ADCY1: variants seen among roughly 807,000 people sequenced by gnomAD.
The protein encoded by ADCY1 is adenylate cyclase 1.
ADCY1 carries 28 observed loss-of-function variants against 105.4 expected under a neutral mutation model. That is an observed-to-expected ratio of 0.27 (90% confidence interval 0.20 to 0.36). ADCY1 has a LOEUF of 0.36. Among genes scored for constraint, ADCY1 ranks in the 10% least tolerant of loss-of-function variants. The pLI, the probability that ADCY1 is intolerant of heterozygous loss-of-function variation, is 1.00. For synonymous variants in ADCY1, 655 were observed against 623.8 expected, an observed-to-expected ratio of 1.05 and a Z score of -0.75; for missense variants, 977 against 1,434.2, an observed-to-expected ratio of 0.68 and a Z score of 5.15.
intron 5 of ADCY1, among the ~76,000 whole-genome samples, chr7:45,649,308 T>C (rs1250359361): frequency 1.3e-5 from 2 of 152,200 alleles, no homozygotes; most frequent in Non-Finnish European, 2.9e-5. Context: ...GCCCATTTCT[T>C]GGTCAGTCTT....
chr7:45,588,003 CT>C (rs976776198), intron 1 of ADCY1, among the ~76,000 whole-genome samples: 3 of 152,200 alleles, frequency 2.0e-5, no homozygotes, highest in African/African-American at 7.2e-5. Context: ...AGTTTACCTT[CT>C]TGAAGGCGGA....
rs184544142 is a variant in ADCY1 at position 45,659,892 on chromosome 7, C to T, written c.1308-150C>T. ...CCTGGGCCCTCCCTCCTGGCATGGA[C>T]GGACTTGCATGGGAGCATGAATACT... On this transcript the variant is annotated intron_variant, in intron 6 of 19. Transcript: ENST00000297323. The T allele has an allele frequency of 1.1e-4, 108 of 965,658 alleles. 1 individual carries two copies. In the East Asian group the frequency reaches 1.8e-3, roughly 16 times the overall value. The allele number at this position is 965,658 out of a possible 1,614,324, so 59.8% of individuals were successfully genotyped here.
At position 45,710,717 on chromosome 7, in the gene ADCY1, AG is replaced by A; in HGVS notation, c.3057+70del. On this transcript the variant is annotated intron_variant, in intron 19 of 19. Transcript: ENST00000297323. This position sits in a 1 kb window ranked among gnomAD's most constrained non-coding sequence, Gnocchi z 4.7. ...TCTTCAGGTGAGGAAACTGAGGCAC[AG>A]GGGGCCAGAATTGAATCCCCAGTCT... 5 of 1,538,732 alleles carry A rather than the reference AG, an allele frequency of 3.2e-6. No homozygotes were observed.
At chr7:45,675,380 A>G (rs1474421479) in intron 8 of ADCY1, among the ~76,000 whole-genome samples, 2 of 152,170 alleles carry the variant, frequency 1.3e-5, no homozygotes, top group African/African-American at 4.8e-5. Context: ...ACAAATTTAT[A>G]ATCTTTGGTT....
chr7:45,646,376 C>T (rs1231055471), intron 4 of ADCY1, among the ~76,000 whole-genome samples: 4 of 152,224 alleles, frequency 2.6e-5, no homozygotes, highest in Non-Finnish European at 5.9e-5. Context: ...GCACTGGAAC[C>T]AGGCAGCAAC....
At chr7:45,629,983 A>C (rs1774696906) in intron 4 of ADCY1, among the ~76,000 whole-genome samples, 1 of 152,158 alleles carries the variant, frequency 6.6e-6, no homozygotes, top group East Asian at 1.9e-4. Flanking sequence ...ATGTGGTGCT[A>C]TTTTATTGTG....
rs760228763 is a variant in ADCY1, at chr7:45,655,443, G to A, written c.1149-2284G>A. Among the ~76,000 whole-genome samples, 11 of 152,338 alleles carry A rather than the reference G, an allele frequency of 7.2e-5. No homozygotes were observed. The East Asian group carries it at 9.6e-4, about 13-fold the overall frequency. ...AGTACAAATAAAGCCAAGAAAGTCCGTGGAAATTCTGTTCCTTGGAAATGA... is the reference window on the plus strand; with the variant it reads ...AGTACAAATAAAGCCAAGAAAGTCCATGGAAATTCTGTTCCTTGGAAATGA... On this transcript the variant is annotated intron_variant, in intron 5 of 19. Transcript: ENST00000297323.
rs902764105 is a variant in ADCY1, at chr7:45,597,366, C to T, written c.789+4458C>T. ...ATGCTTCTGTTCCCCAATGCCAGAT[C>T]GTTCTTGCCCCGTTTGATAAGTTAT... On this transcript the variant is annotated intron_variant, in intron 2 of 19. Coordinates refer to ENST00000297323, the MANE Select transcript of ADCY1 (RefSeq NM_021116.4). Among the ~76,000 whole-genome samples, 6 of 152,196 alleles carry T rather than the reference C, an allele frequency of 3.9e-5. No homozygotes were observed. The East Asian group carries it at 7.7e-4, about 20-fold the overall frequency.
intron 8 of ADCY1, among the ~76,000 whole-genome samples, chr7:45,667,404 G>A (rs943016380): frequency 6.6e-6 from 1 of 152,148 alleles, no homozygotes; most frequent in African/African-American, 2.4e-5. Context: ...CCCATTTCTT[G>A]TTTTTGTCAG....
At chr7:45,672,164 A>G (rs1314506462) in intron 8 of ADCY1, among the ~76,000 whole-genome samples, 1 of 152,196 alleles carries the variant, frequency 6.6e-6, no homozygotes, top group Non-Finnish European at 1.5e-5. Context: ...GCTTATGGAT[A>G]TCTGGTTTCT....
At chr7:45,663,185 C>A (rs986597319) in intron 8 of ADCY1, among the ~76,000 whole-genome samples, 2 of 152,248 alleles carry the variant, frequency 1.3e-5, no homozygotes, top group Non-Finnish European at 2.9e-5. Context: ...CCACTTTCTT[C>A]TCTGCCGCTC....
intron 14 of ADCY1, among the ~76,000 whole-genome samples, chr7:45,692,345 A>C (rs1784799772): frequency 6.6e-6 from 1 of 152,226 alleles, no homozygotes; most frequent in Admixed American, 6.5e-5. Context: ...GGGGACGCTC[A>C]CATGGTTGAG....
chr7:45,640,659 G>A (rs9639924), intron 4 of ADCY1, among the ~76,000 whole-genome samples: 2 of 151,996 alleles, frequency 1.3e-5, no homozygotes, highest in Admixed American at 6.5e-5. Context: ...ATTTGAGGTC[G>A]CCAGCATATC....
intron 7 of ADCY1, 21 bp from the exon 8 acceptor site, chr7:45,662,038 G>A: frequency 2.5e-6 from 4 of 1,608,778 alleles, no homozygotes; most frequent in Non-Finnish European, 3.4e-6. Flanking sequence ...ATTTCTCCTT[G>A]CCCCTTGTGT....
intron 3 of ADCY1, among the ~76,000 whole-genome samples, chr7:45,612,818 A>G (rs1793626143): frequency 6.6e-6 from 1 of 152,226 alleles, no homozygotes; most frequent in Non-Finnish European, 1.5e-5. Flanking sequence ...GAGAGAACAG[A>G]GGTGGTAGTC....
intron 7 of ADCY1, 30 bp downstream of exon 7, chr7:45,660,213 G>C: frequency 6.2e-7 from 1 of 1,613,220 alleles, no homozygotes; most frequent in East Asian, 2.2e-5. Context: ...TCATTTGGTT[G>C]ATCCTTAGCT....
At chr7:45,620,974 T>A (rs1488154192) in intron 3 of ADCY1, among the ~76,000 whole-genome samples, 1 of 152,164 alleles carries the variant, frequency 6.6e-6, no homozygotes, top group East Asian at 1.9e-4. Context: ...ACTTCCCTGC[T>A]TTTCCATAGT....
rs1784745528 is a variant in ADCY1 at position 45,689,393 on chromosome 7, G to T, written c.2454+2720G>T. On this transcript the variant is annotated intron_variant, in intron 14 of 19. Transcript: ENST00000297323. ...ACAGTTCTACAGGCTGTACCAACAG[G>T]CACCAGCATCTGCTTGGCTTCTGGG... Among the ~76,000 whole-genome samples the T allele has an allele frequency of 2.0e-5, 3 of 152,188 alleles. No homozygotes were observed. The South Asian group carries it at 6.2e-4, about 32-fold the overall frequency.
chr7:45,685,444 G>T (rs1267480171), intron 12 of ADCY1, among the ~76,000 whole-genome samples: 2 of 151,738 alleles, frequency 1.3e-5, no homozygotes, highest in African/African-American at 4.9e-5. Context: ...TAACAGGATG[G>T]AGTTTGTAGT....
Sources: gnomAD v4.1 joint callset for allele counts (sites outside exome capture counted in the v4.1 genomes callset) on GRCh38, gnomAD v4.1.1 for gene constraint, Gnocchi (gnomAD v3.1) non-coding constraint, MANE v1.5 for transcripts, NCBI Gene and HGNC (gene_info 2026-07-23, HGNC 2026-07-21) for gene names.